OPA3: variants seen among roughly 807,000 people sequenced by gnomAD.
OPA3 encodes outer mitochondrial membrane lipid metabolism regulator OPA3.
OPA3 carries 6 observed loss-of-function variants against 4.0 expected under a neutral mutation model. That is an observed-to-expected ratio of 1.51 (90% confidence interval 0.83 to 2.99). The LOEUF (loss-of-function observed/expected upper bound fraction) is 2.99. Ranked by LOEUF, OPA3 falls within the 30% of genes most tolerant of loss-of-function variation. The pLI is 0.00. For synonymous variants in OPA3, 105 were observed against 117.1 expected (o/e 0.90, Z 0.67); for missense variants, 235 against 256.2 (o/e 0.92, Z 0.56).
At chr19:45,564,008 T>C (rs771527493) in intron 1 of OPA3, among the ~76,000 whole-genome samples, 1 of 152,072 alleles carries the variant, frequency 6.6e-6, no homozygotes, top group South Asian at 2.1e-4. Context: ...TAATTAAAAC[T>C]TTTTTCAAAA....
intron 1 of OPA3, among the ~76,000 whole-genome samples, chr19:45,565,037 C>CTGTT (rs981326532): frequency 1.3e-5 from 2 of 149,256 alleles, no homozygotes; most frequent in Non-Finnish European, 3.0e-5. Context: ...CCATCCTGGC[C>CTGTT]AACATGGTGA....
chr19:45,576,766 T>G (rs922021876), intron 1 of OPA3, among the ~76,000 whole-genome samples: 5 of 152,082 alleles, frequency 3.3e-5, no homozygotes, highest in African/African-American at 1.2e-4. Context: ...CTCTTTCCCT[T>G]ATAAGGACCC....
intron 1 of OPA3, among the ~76,000 whole-genome samples, chr19:45,569,040 A>T (rs976889108): frequency 1.5e-4 from 23 of 152,144 alleles, no homozygotes; most frequent in Non-Finnish European, 8.8e-5. Context: ...CTCCTAATGG[A>T]CTGAAGCATA....
intron 1 of OPA3, among the ~76,000 whole-genome samples, chr19:45,558,222 C>G (rs1196644264): frequency 1.3e-5 from 2 of 151,948 alleles, no homozygotes; most frequent in Non-Finnish European, 2.9e-5. Context: ...ATCCCACCTA[C>G]TCGGGAGGCT....
chr19:45,572,219 T>C (rs1181804532), intron 1 of OPA3, among the ~76,000 whole-genome samples: 4 of 144,060 alleles, frequency 2.8e-5, no homozygotes, highest in Non-Finnish European at 6.1e-5. Flanking sequence ...ATATCTCTCA[T>C]ATATATCGAT....
chr19:45,536,242 A>AT (rs1969116619), intron 1 of OPA3, among the ~76,000 whole-genome samples: 1 of 149,714 alleles, frequency 6.7e-6, no homozygotes, highest in Admixed American at 6.7e-5. Flanking sequence ...AAAAAAAAAA[A>AT]AATTAAAAAA....
chr19:45,548,548 T>A lies in OPA3; in HGVS notation c.*4966A>T. ...TGGAAAAGAAATGTACGTGTGAGCA[T>A]CTGTAAGACCCGGTGACGGCAGGGC... On this transcript the variant is annotated 3_prime_UTR_variant, in exon 2 of 2. Coordinates refer to ENST00000263275, the MANE Select transcript of OPA3 (RefSeq NM_025136.4). 2 of 985,426 alleles carry A rather than the reference T, an allele frequency of 2.0e-6. No individual in the cohort carries two copies. Among genetic ancestry groups the A allele is most frequent in the Non-Finnish European group, 2.4e-6 (2 of 829,944 alleles). The allele number at this position is 985,426 out of a possible 1,614,324, so 61.0% of individuals were successfully genotyped here.
At chr19:45,543,905 C>T (rs1969215623), downstream of OPA3, among the ~76,000 whole-genome samples, 2 of 152,218 alleles carry the variant, frequency 1.3e-5, no homozygotes, top group African/African-American at 2.4e-5. Flanking sequence ...CAGTGAGCTA[C>T]CTGATATCCT....
At chr19:45,581,312 A>T (rs547876264) in intron 1 of OPA3, among the ~76,000 whole-genome samples, 107 of 152,092 alleles carry the variant, frequency 7.0e-4, no homozygotes, top group African/African-American at 2.2e-3. Context: ...ACAGAGGGGG[A>T]AAAAAAGTGC....
intron 1 of OPA3, among the ~76,000 whole-genome samples, chr19:45,568,483 C>T (rs1969614982): frequency 1.3e-5 from 2 of 152,148 alleles, no homozygotes; most frequent in East Asian, 3.9e-4. Flanking sequence ...AGCCACTGTG[C>T]CCCCGCCCAA....
downstream of OPA3, among the ~76,000 whole-genome samples, chr19:45,544,423 G>A (rs918232387): frequency 6.6e-6 from 1 of 152,156 alleles, no homozygotes; most frequent in African/African-American, 2.4e-5. Flanking sequence ...ACTTTGGGAC[G>A]GCAAGGCAGG....
intron 1 of OPA3, among the ~76,000 whole-genome samples, chr19:45,572,434 A>G (rs957939572): frequency 3.9e-5 from 4 of 101,884 alleles, no homozygotes; most frequent in Non-Finnish European, 5.2e-5. Flanking sequence ...ATATCATGAT[A>G]TATGTATATC....
Position 45,549,311 on chromosome 19 carries a change from C to A in OPA3, c.*4203G>T. The stretch of plus-strand genomic sequence containing the variant: ...CCACACACTCTGGCCACCCCTGACG[C>A]CGCAGTGGGGGAAGTAGATGGCCCT... On this transcript the variant is annotated 3_prime_UTR_variant, in exon 2 of 2. Transcript: ENST00000263275. The A allele has an allele frequency of 4.1e-6, 4 of 985,372 alleles. No homozygotes were observed. Among genetic ancestry groups the A allele is most frequent in the Non-Finnish European group, 4.8e-6 (4 of 829,940 alleles). 61.0% of individuals were successfully genotyped at this position (985,372 alleles called of 1,614,324 possible).
At chr19:45,544,964 CAAG>C (rs1470468611), downstream of OPA3, among the ~76,000 whole-genome samples, 8 of 150,570 alleles carry the variant, frequency 5.3e-5, no homozygotes, top group Non-Finnish European at 1.0e-4. Flanking sequence ...GCCTGGGCAA[CAAG>C]AGGAAAATTC....
chr19:45,553,583 T>C lies in OPA3; in HGVS notation c.471A>G (p.Gln157=), dbSNP rs570940748. 2 of 1,612,638 alleles carry C rather than the reference T, an allele frequency of 1.2e-6. No homozygotes were observed. Among genetic ancestry groups the C allele is most frequent in the African/African-American group, 1.3e-5 (1 of 75,056 alleles). ...GATTGCAGAGCTGGGCGCGCACCTCTTGCAGCTCTGTGCGCAGTTCCTCCA... is the reference window on the plus strand; with the variant it reads ...GATTGCAGAGCTGGGCGCGCACCTCCTGCAGCTCTGTGCGCAGTTCCTCCA... ...GALEELRTEL[Q]EVRAQLCNPG... is the part of the protein sequence containing the mutation. Residue 157 remains glutamine, a synonymous_variant, in exon 2 of 2, where the codon CAA becomes CAG. Coordinates refer to ENST00000263275, the MANE Select transcript of OPA3 (RefSeq NM_025136.4).
intron 1 of OPA3, among the ~76,000 whole-genome samples, chr19:45,580,746 G>A (rs1230736711): frequency 6.6e-6 from 1 of 151,916 alleles, no homozygotes; most frequent in Non-Finnish European, 1.5e-5. Context: ...AGCCTCCCAA[G>A]TAGCTGGGAC....
At chr19:45,573,957 G>A (rs1969727275) in intron 1 of OPA3, among the ~76,000 whole-genome samples, 1 of 151,966 alleles carries the variant, frequency 6.6e-6, no homozygotes. Context: ...GAGGTCAGGA[G>A]TTGGAGACCA....
chr19:45,569,111 C>G (rs1969624618), intron 1 of OPA3, among the ~76,000 whole-genome samples: 1 of 152,146 alleles, frequency 6.6e-6, no homozygotes, highest in Non-Finnish European at 1.5e-5. Context: ...GAGACCAACT[C>G]AACTTGGTAT....
chr19:45,564,303 GC>G (rs1969549290), intron 1 of OPA3, among the ~76,000 whole-genome samples: 1 of 128,918 alleles, frequency 7.8e-6, no homozygotes, highest in Non-Finnish European at 1.6e-5. Context: ...TGGAAGGGGG[GC>G]AGGTAGAGGG....
Sources: gnomAD v4.1 joint callset for allele counts (sites outside exome capture counted in the v4.1 genomes callset) on GRCh38, gnomAD v4.1.1 for gene constraint, MANE v1.5 for transcripts, NCBI Gene and HGNC (gene_info 2026-07-23, HGNC 2026-07-21) for gene names.